ELOVL6: variants seen among roughly 807,000 people sequenced by gnomAD.
The protein encoded by ELOVL6 is ELOVL fatty acid elongase 6.
ELOVL6 carries 8 observed loss-of-function variants against 31.7 expected under a neutral mutation model. The ratio of observed to expected loss-of-function variants is 0.25; its 90% CI spans 0.15 to 0.45. ELOVL6 has a LOEUF of 0.45. ELOVL6 is among the 20% of genes least tolerant of loss of function. The pLI, the probability that ELOVL6 is intolerant of heterozygous loss-of-function variation, is 1.00. For synonymous variants in ELOVL6, 101 were observed against 117.7 expected (o/e 0.86, Z 0.92); for missense variants, 126 against 326.4 (o/e 0.39, Z 4.73).
chr4:110,084,041 AAC>A (rs1365940973), intron 2 of ELOVL6, among the ~76,000 whole-genome samples: 2 of 48,636 alleles, frequency 4.1e-5, no homozygotes, highest in African/African-American at 1.1e-4. Context: ...TATGGTATAT[AAC>A]ACATGCTATA....
intron 2 of ELOVL6, among the ~76,000 whole-genome samples, chr4:110,083,958 G>GATATATATAACATATGCTATATATC (rs1560813212): frequency 6.5e-3 from 12 of 1,838 alleles, no homozygotes; most frequent in East Asian, 0.044. Context: ...TGTTATATAT[G>GATATATATAACATATGCTATATATC]ATATATATGA....
At position 110,051,130 on chromosome 4, in the gene ELOVL6, G is replaced by A. The variant is rs1365053471; in HGVS notation, c.*208C>T. On this transcript the variant is annotated 3_prime_UTR_variant, in exon 4 of 4. Transcript: ENST00000302274. The surrounding 1 kb of genome is among the most constrained non-coding windows in gnomAD (Gnocchi z 4.8). ...CTTCCAGCAGCAGTGCTTGGAGATG[G>A]AGGTGCACTCAGTGAGTCCTCACCC... The A allele has an allele frequency of 1.8e-6, 1 of 570,888 alleles. No individual in the cohort carries two copies. Among genetic ancestry groups the A allele is most frequent in the Non-Finnish European group, 3.1e-6 (1 of 321,546 alleles). 35.4% of individuals were successfully genotyped at this position (570,888 alleles called of 1,614,324 possible).
chr4:110,181,621 A>G (rs1759277500), intron 1 of ELOVL6, among the ~76,000 whole-genome samples: 1 of 152,110 alleles, frequency 6.6e-6, no homozygotes. Context: ...GTTAACTAAG[A>G]TGTAAAACAA....
intron 1 of ELOVL6, among the ~76,000 whole-genome samples, chr4:110,192,882 C>A (rs1759664196): frequency 6.6e-6 from 1 of 152,150 alleles, no homozygotes; most frequent in South Asian, 2.1e-4. Context: ...TCAATATGAA[C>A]TGTGATACCT....
chr4:110,179,175 G>C (rs1759202019), intron 1 of ELOVL6, among the ~76,000 whole-genome samples: 1 of 151,932 alleles, frequency 6.6e-6, no homozygotes, highest in African/African-American at 2.4e-5. Context: ...TAATTGACGA[G>C]ACAAATAAAA....
intron 1 of ELOVL6, among the ~76,000 whole-genome samples, chr4:110,135,480 T>C (rs752538124): frequency 2.1e-4 from 32 of 152,080 alleles, no homozygotes; most frequent in Non-Finnish European, 4.1e-4. Flanking sequence ...AGTTGGCAAA[T>C]ACGAGAAAAG....
chr4:110,176,583 G>C (rs114667354), intron 1 of ELOVL6, among the ~76,000 whole-genome samples: 279 of 152,290 alleles, frequency 1.8e-3, no homozygotes, highest in African/African-American at 6.5e-3. Flanking sequence ...TTTTGTGCTA[G>C]CGTGGTCAAA....
intron 1 of ELOVL6, among the ~76,000 whole-genome samples, chr4:110,179,941 T>G (rs1021667231): frequency 6.6e-6 from 1 of 152,352 alleles, no homozygotes; most frequent in East Asian, 1.9e-4. Flanking sequence ...AGCTTCACAC[T>G]CCCTATTCCT....
intron 1 of ELOVL6, among the ~76,000 whole-genome samples, chr4:110,106,892 A>C (rs1373420597): frequency 6.6e-6 from 1 of 152,216 alleles, no homozygotes; most frequent in East Asian, 1.9e-4. Flanking sequence ...ACAAACTTCT[A>C]TAATAGAACT....
At chr4:110,177,523 AG>A (rs1759145162) in intron 1 of ELOVL6, among the ~76,000 whole-genome samples, 2 of 152,080 alleles carry the variant, frequency 1.3e-5, no homozygotes, top group African/African-American at 4.8e-5. Flanking sequence ...GTTGGCTTGG[AG>A]GCTTTGCCTT....
intron 1 of ELOVL6, among the ~76,000 whole-genome samples, chr4:110,124,257 G>T (rs180845970): frequency 2.0e-5 from 3 of 152,248 alleles, no homozygotes; most frequent in East Asian, 3.9e-4. Context: ...TATTGCATAC[G>T]TATGTTTACT....
chr4:110,198,404 T>C lies in ELOVL6; in HGVS notation c.-69A>G. On this transcript the variant is annotated 5_prime_UTR_variant, in exon 1 of 4. Transcript: ENST00000302274. Reference sequence around the variant, plus strand: ...AAAATAATCTGTAAAGCGCTTGATTTCGAGTGTTCTCCTGTCTGCTTCCCC... The same window carrying C: ...AAAATAATCTGTAAAGCGCTTGATTCCGAGTGTTCTCCTGTCTGCTTCCCC... 1 of 971,442 alleles carries C rather than the reference T, an allele frequency of 1.0e-6. No homozygotes were observed. The highest frequency in any genetic ancestry group is 1.6e-6 in the Non-Finnish European group (1 of 623,014). The allele number at this position is 971,442 out of a possible 1,614,324, so 60.2% of individuals were successfully genotyped here. A position where few individuals can be genotyped will look rare whatever the true frequency, so the allele number is the denominator to read the frequency against.
chr4:110,172,513 T>G (rs1237327482), intron 1 of ELOVL6, among the ~76,000 whole-genome samples: 2 of 152,122 alleles, frequency 1.3e-5, no homozygotes, highest in Non-Finnish European at 2.9e-5. Flanking sequence ...TAATGAGAAT[T>G]GCCTGGACCT....
intron 1 of ELOVL6, among the ~76,000 whole-genome samples, chr4:110,108,201 T>C (rs1756937259): frequency 1.3e-5 from 2 of 152,208 alleles, no homozygotes; most frequent in Admixed American, 1.3e-4. Context: ...ATTATACATA[T>C]ACCATGGAAG....
chr4:110,084,564 A>ATATATTTT (rs1560815818), intron 2 of ELOVL6, among the ~76,000 whole-genome samples: 2 of 33,218 alleles, frequency 6.0e-5, no homozygotes, highest in African/African-American at 5.3e-4. Flanking sequence ...ACACACACAG[A>ATATATTTT]TATATATATA....
rs1437015678 is a variant in ELOVL6 at position 110,127,478 on chromosome 4, G to A, written c.90-21850C>T. On this transcript the variant is annotated intron_variant, in intron 1 of 3. Transcript: ENST00000302274. ...AAGCTCCTAAAGCTTCTCCTCTATGGGAGAGCCTAAGAAAAACATTAATCT... is the reference window on the plus strand; with the variant it reads ...AAGCTCCTAAAGCTTCTCCTCTATGAGAGAGCCTAAGAAAAACATTAATCT... Among the ~76,000 whole-genome samples the A allele has an allele frequency of 2.0e-5, 3 of 151,178 alleles. No individual in the cohort carries two copies. In the East Asian group the frequency reaches 5.8e-4, roughly 29 times the overall value.
At chr4:110,182,166 C>A (rs1159483980) in intron 1 of ELOVL6, among the ~76,000 whole-genome samples, 5 of 152,192 alleles carry the variant, frequency 3.3e-5, no homozygotes, top group Middle Eastern at 3.4e-3. Flanking sequence ...CATTCCTGGG[C>A]CCACATGTAA....
At chr4:110,146,110 T>C (rs1478433816) in intron 1 of ELOVL6, among the ~76,000 whole-genome samples, 1 of 152,140 alleles carries the variant, frequency 6.6e-6, no homozygotes, top group Non-Finnish European at 1.5e-5. Flanking sequence ...AGGGCTATAG[T>C]AATCAAAACA....
chr4:110,084,588 ATTTTTTTTTTTTTTTT>A (rs1168880044), intron 2 of ELOVL6, among the ~76,000 whole-genome samples: 11 of 29,658 alleles, frequency 3.7e-4, no homozygotes, highest in African/African-American at 6.5e-4. Flanking sequence ...ATATATATAT[ATTTTTTTTTTTTTTTT>A]TTTTTTTTGA....
Sources: allele counts gnomAD v4.1 joint callset (sites outside exome capture counted in the v4.1 genomes callset), GRCh38; gene constraint gnomAD v4.1.1; non-coding constraint Gnocchi (gnomAD v3.1); transcripts MANE v1.5; gene names NCBI Gene and HGNC (gene_info 2026-07-23, HGNC 2026-07-21).